The following IGF2R variants were observed in gnomAD, a reference collection of about 807,000 sequenced individuals.
The protein encoded by IGF2R is cation-independent mannose-6-phosphate receptor.
In IGF2R, 91 loss-of-function variants were observed where a neutral mutation model predicts 270.6. That is an observed-to-expected ratio of 0.34 (90% CI 0.28 to 0.40). The LOEUF (loss-of-function observed/expected upper bound fraction) is 0.40. Ranked by LOEUF, IGF2R falls within the 10% of genes least tolerant of loss-of-function variation. The pLI is 1.00. For missense variants in IGF2R, 2,805 were observed against 3,188.3 expected (o/e 0.88, Z 2.90); for synonymous variants, 1,316 against 1,258.9 (o/e 1.05, Z -0.96).
Position 160,061,944 on chromosome 6 carries a change from A to G in IGF2R, c.3582+16A>G. On this transcript the variant is annotated intron_variant, in intron 25 of 47. Coordinates refer to ENST00000356956, the MANE Select transcript of IGF2R (RefSeq NM_000876.4). Reference sequence around the variant, plus strand: ...TCAGATATCGGTGTGTGTTCAGACCAGCAATGAGATGTTGTCCCCGGGTGA... The same window carrying G: ...TCAGATATCGGTGTGTGTTCAGACCGGCAATGAGATGTTGTCCCCGGGTGA... The G allele has an allele frequency of 6.2e-7, 1 of 1,610,872 alleles. No individual in the cohort carries two copies. The highest frequency in any genetic ancestry group is 8.5e-7 in the Non-Finnish European group (1 of 1,177,126).
intron 2 of IGF2R, among the ~76,000 whole-genome samples, chr6:160,001,368 A>G (rs1267129647): frequency 1.3e-5 from 2 of 151,978 alleles, no homozygotes; most frequent in African/African-American, 4.8e-5. Flanking sequence ...AGATGGGACC[A>G]TCTAGTTGCA....
chr6:160,080,111 T>G lies in IGF2R; in HGVS notation c.5687-18T>G. On this transcript the variant is annotated intron_variant, in intron 38 of 47. Coordinates refer to ENST00000356956, the MANE Select transcript of IGF2R (RefSeq NM_000876.4). ...CGAGGCACAGCTGCCACACTGATAA[T>G]GTTCTTCTTCTTTCCAGAAACCGAT... is the stretch of plus-strand genomic sequence containing the variant. The G allele has an allele frequency of 6.2e-7, 1 of 1,613,550 alleles. No individual in the cohort carries two copies. Among genetic ancestry groups the G allele is most frequent in the South Asian group, 1.1e-5 (1 of 91,028 alleles).
intron 1 of IGF2R, among the ~76,000 whole-genome samples, chr6:159,980,925 C>A (rs1783790239): frequency 6.6e-6 from 1 of 152,182 alleles, no homozygotes; most frequent in Non-Finnish European, 1.5e-5. Context: ...TGAGACCGCC[C>A]AGGTAATTGC....
intron 1 of IGF2R, among the ~76,000 whole-genome samples, chr6:159,974,220 T>C (rs992527950): frequency 6.6e-6 from 1 of 152,204 alleles, no homozygotes; most frequent in African/African-American, 2.4e-5. Flanking sequence ...CTTTCATCTC[T>C]CTGCTGACTC....
chr6:159,992,498 A>C (rs1040028374), intron 2 of IGF2R, among the ~76,000 whole-genome samples: 2 of 152,104 alleles, frequency 1.3e-5, no homozygotes, highest in African/African-American at 4.8e-5. Context: ...TATTTTACTT[A>C]GGATAATGTG....
Position 160,102,167 on chromosome 6 carries a change from G to C in IGF2R, c.6843-352G>C, listed in dbSNP as rs1049537547. Among the ~76,000 whole-genome samples the C allele has an allele frequency of 6.6e-6, 1 of 152,204 alleles. No homozygotes were observed. On this transcript the variant is annotated intron_variant, in intron 45 of 47. Coordinates refer to ENST00000356956, the MANE Select transcript of IGF2R (RefSeq NM_000876.4). This position sits in a 1 kb window ranked among gnomAD's most constrained non-coding sequence, Gnocchi z 4.5. ...ACCCTGGAGAGAAGTGTGGTGCTTCGGGACAGCCTCTGCCCCAGCCTAGTC... is the reference window on the plus strand; with the variant it reads ...ACCCTGGAGAGAAGTGTGGTGCTTCCGGACAGCCTCTGCCCCAGCCTAGTC...
At chr6:160,064,074 A>G (rs1778502629) in intron 27 of IGF2R, among the ~76,000 whole-genome samples, 2 of 152,228 alleles carry the variant, frequency 1.3e-5, no homozygotes, top group Admixed American at 6.5e-5. Context: ...AGGAACTTGT[A>G]AAAATGAAGT....
rs767746690 is a variant in IGF2R at position 160,087,996 on chromosome 6, T to C, written c.6206-37T>C. 6.6e-6 allele frequency: 9 copies of C among 1,361,846 alleles called. No homozygotes were observed. The East Asian group carries it at 2.1e-4, about 31-fold the overall frequency. 84.4% of individuals were successfully genotyped at this position (1,361,846 alleles called of 1,614,324 possible). On this transcript the variant is annotated intron_variant, in intron 41 of 47. Transcript: ENST00000356956. ...CTGCCTGAGGCTTTTTATAATGCAC[T>C]AGAAATAATGTCAGTTCAATCATTT...
chr6:160,046,031 G>A (rs891442708), intron 14 of IGF2R, 149 bp downstream of exon 14: 3 of 636,456 alleles, frequency 4.7e-6, no homozygotes, highest in African/African-American at 1.9e-5. Context: ...CGATGTTTGA[G>A]GCTTATTTGA....
chr6:160,012,761 A>T lies in IGF2R; in HGVS notation c.513+1976A>T, dbSNP rs1201698757. Among the ~76,000 whole-genome samples, 24 of 72,586 alleles carry T rather than the reference A, an allele frequency of 3.3e-4. 1 individual carries two copies. The highest frequency in any genetic ancestry group is 1.1e-3 in the African/African-American group (22 of 20,500). The allele number at this position is 72,586 out of a possible 152,430, so 47.6% of individuals were successfully genotyped here. A position where few individuals can be genotyped will look rare whatever the true frequency, so the allele number is the denominator to read the frequency against. On this transcript the variant is annotated intron_variant, in intron 4 of 47. Transcript: ENST00000356956. The stretch of plus-strand genomic sequence containing the variant: ...CCGGCTAATTTATATATATATATAT[A>T]TATTTTTTTTTTTTTTTGTTTGTTT...
intron 44 of IGF2R, 50 bp from the exon 45 acceptor site, chr6:160,096,389 C>A (rs750387124): frequency 6.5e-7 from 1 of 1,544,256 alleles, no homozygotes; most frequent in South Asian, 1.2e-5. Context: ...GCTCAGTCTG[C>A]TCGTGAAAAA....
chr6:160,045,826 C>G lies in IGF2R; in HGVS notation c.1847C>G (p.Ala616Gly), dbSNP rs199887623. The change falls in exon 14 of 48, where the codon GCC (alanine) becomes GGC (glycine). Residue 616 changes from alanine (A) to glycine (G), a missense_variant. By Grantham distance (60) the Ala-to-Gly change is moderately conservative. Transcript: ENST00000356956. ...GAGTTTGAGTGGCACACAGCTGCGGCCTGTGTGCTGTCTAAGACAGAAGGG... is the reference window on the plus strand; with the variant it reads ...GAGTTTGAGTGGCACACAGCTGCGGGCTGTGTGCTGTCTAAGACAGAAGGG... ...FYEFEWHTAA[A>G]CVLSKTEGEN... 503 of 1,612,160 alleles carry G rather than the reference C, an allele frequency of 3.1e-4. 6 individuals are homozygous for G. In the South Asian group the frequency reaches 4.8e-3, roughly 15 times the overall value.
intron 2 of IGF2R, among the ~76,000 whole-genome samples, chr6:159,993,295 T>C (rs1038141095): frequency 6.6e-6 from 1 of 152,236 alleles, no homozygotes; most frequent in African/African-American, 2.4e-5. Flanking sequence ...GTTTTAGTTA[T>C]GAAATCTTTG....
intron 1 of IGF2R, among the ~76,000 whole-genome samples, chr6:159,988,994 A>G (rs1351008552): frequency 6.6e-6 from 1 of 152,152 alleles, no homozygotes; most frequent in Non-Finnish European, 1.5e-5. Context: ...TCCTTGAGTC[A>G]TCTTGACTCT....
chr6:160,102,809 T>C lies in IGF2R; in HGVS notation c.6995+138T>C. 2.9e-6 allele frequency: 3 copies of C among 1,026,238 alleles called. No individual in the cohort carries two copies. Among genetic ancestry groups the C allele is most frequent in the South Asian group, 3.5e-5 (2 of 57,114 alleles). 63.6% of individuals were successfully genotyped at this position (1,026,238 alleles called of 1,614,324 possible). On this transcript the variant is annotated intron_variant, in intron 46 of 47. Transcript: ENST00000356956. The surrounding 1 kb of genome is among the most constrained non-coding windows in gnomAD (Gnocchi z 4.5). Reference sequence around the variant, plus strand: ...AGGCTCGAGGTTCTTAGTCCAAAACTCTCTGGAAGCAGTCCCCAGCGTTGT... The same window carrying C: ...AGGCTCGAGGTTCTTAGTCCAAAACCCTCTGGAAGCAGTCCCCAGCGTTGT...
chr6:160,036,049 G>C (rs1194348028), intron 10 of IGF2R, among the ~76,000 whole-genome samples: 2 of 152,154 alleles, frequency 1.3e-5, no homozygotes, highest in Non-Finnish European at 2.9e-5. Flanking sequence ...TGGGGAATGT[G>C]GCTGAAGATG....
chr6:160,010,863 T>A, intron 4 of IGF2R, 78 bp downstream of exon 4: 1 of 805,792 alleles, frequency 1.2e-6, no homozygotes, highest in Non-Finnish European at 2.0e-6. Flanking sequence ...GATTCTAACC[T>A]TTCCGGGTGA....
chr6:160,092,778 G>A (rs1779255798), intron 44 of IGF2R, among the ~76,000 whole-genome samples: 1 of 152,114 alleles, frequency 6.6e-6, no homozygotes, highest in Non-Finnish European at 1.5e-5. Context: ...CTGTCTCTGG[G>A]CCCCATCTGT....
rs768155580 is a variant in IGF2R at position 160,105,026 on chromosome 6, G to A, written c.7418G>A (p.Ser2473Asn). The change falls in exon 48 of 48, where the codon AGC becomes AAC. Residue 2473 changes from serine (S) to asparagine (N), a missense_variant. Physicochemically the swap from Ser to Asn is conservative, Grantham distance 46. Around this residue, in one of 2 missense-constraint regions of IGF2R, gnomAD observed 1,851 missense variants for 2,207.2 expected, o/e 0.84. Transcript: ENST00000356956. ...AGCTCTGCACAGCAGAAGACAGTGA[G>A]CTCCACCAAGCTGGTGTCCTTCCAT... Reference protein sequence around the residue: ...KSSSAQQKTVSSTKLVSFHDD... With the variant: ...KSSSAQQKTVNSTKLVSFHDD... 1 of 1,611,890 alleles carries A rather than the reference G, an allele frequency of 6.2e-7. No homozygotes were observed. Among genetic ancestry groups the A allele is most frequent in the Non-Finnish European group, 8.5e-7 (1 of 1,179,034 alleles).
Sources: allele counts gnomAD v4.1 joint callset (sites outside exome capture counted in the v4.1 genomes callset), GRCh38; gene constraint gnomAD v4.1.1; regional missense constraint gnomAD v4.1.1; non-coding constraint Gnocchi (gnomAD v3.1); transcripts MANE v1.5; gene names NCBI Gene and HGNC (gene_info 2026-07-23, HGNC 2026-07-21).